Variants in SLC25A26 observed in about 807,000 individuals in gnomAD.
The protein encoded by SLC25A26 is solute carrier family 25 member 26, also known as mitochondrial S-adenosylmethionine carrier protein.
SLC25A26 carries 36 observed loss-of-function variants against 37.8 expected under a neutral mutation model. The observed-to-expected ratio is 0.95, with a 90% CI of 0.73 to 1.26. SLC25A26 has a LOEUF of 1.26. Ranked by LOEUF, SLC25A26 falls within the 50% of genes most tolerant of loss-of-function variation. The pLI, the probability that SLC25A26 is intolerant of heterozygous loss-of-function variation, is 0.00. For missense variants in SLC25A26, 390 were observed against 331.1 expected (o/e 1.18, Z -1.38); for synonymous variants, 129 against 122.5 (o/e 1.05, Z -0.35).
intron 1 of SLC25A26, among the ~76,000 whole-genome samples, chr3:66,236,135 C>T (rs2072267073): frequency 6.7e-6 from 1 of 149,198 alleles, no homozygotes; most frequent in African/African-American, 2.5e-5. Context: ...TGGTATTGAA[C>T]TCCTGGCCTC....
intron 1 of SLC25A26, among the ~76,000 whole-genome samples, chr3:66,153,086 G>T (rs2070229433): frequency 6.6e-6 from 1 of 152,136 alleles, no homozygotes; most frequent in Non-Finnish European, 1.5e-5. Flanking sequence ...CAGAGGAGGG[G>T]ATTTTCTGTT....
At chr3:66,324,917 CAG>C (rs750612789) in intron 5 of SLC25A26, among the ~76,000 whole-genome samples, 12 of 151,912 alleles carry the variant, frequency 7.9e-5, no homozygotes, top group South Asian at 2.1e-4. Flanking sequence ...CGACAAAAGA[CAG>C]AGTAGCAAGA....
intron 1 of SLC25A26, among the ~76,000 whole-genome samples, chr3:66,154,140 T>G (rs1044631027): frequency 6.6e-6 from 1 of 152,130 alleles, no homozygotes; most frequent in African/African-American, 2.4e-5. Context: ...ACCCTGGCTG[T>G]CTGGGCAATT....
In SLC25A26 at chr3:66,147,221, T is replaced by G. The variant is rs113000121; in HGVS notation, c.-354+13237T>G. On this transcript the variant is annotated intron_variant, in intron 1 of 10. Transcript: ENST00000676754. The stretch of plus-strand genomic sequence containing the variant: ...CTCTGTCTCCCAGGCTAGAGTACAG[T>G]GGCATGATGTCAGCTCACTGCAACC... 5.0e-3 allele frequency among the ~76,000 whole-genome samples: 758 copies of G among 150,512 alleles called. 7 individuals carry two copies. Among genetic ancestry groups the G allele is most frequent in the African/African-American group, 0.018 (727 of 40,814 alleles).
intron 1 of SLC25A26, among the ~76,000 whole-genome samples, chr3:66,135,340 G>A (rs915602768): frequency 3.9e-5 from 6 of 152,030 alleles, no homozygotes; most frequent in South Asian, 2.1e-4. Context: ...ATTGTAATAC[G>A]TTACATGCTC....
chr3:66,341,833 A>T (rs542855095), intron 5 of SLC25A26, among the ~76,000 whole-genome samples: 5 of 150,700 alleles, frequency 3.3e-5, no homozygotes, highest in African/African-American at 7.4e-5. Flanking sequence ...TTGTTAAATT[A>T]AAAAAATCAG....
At chr3:66,149,615 CAT>C (rs1264148511) in intron 1 of SLC25A26, among the ~76,000 whole-genome samples, 7 of 152,124 alleles carry the variant, frequency 4.6e-5, no homozygotes, top group African/African-American at 1.4e-4. Flanking sequence ...AAGAAAATAA[CAT>C]ATGATTATTG....
intron 1 of SLC25A26, among the ~76,000 whole-genome samples, chr3:66,135,719 T>C (rs1223218615): frequency 1.3e-5 from 2 of 152,122 alleles, no homozygotes; most frequent in African/African-American, 4.8e-5. Flanking sequence ...CAGTGAGCCC[T>C]GATGGCACCA....
chr3:66,348,112 A>C (rs546823056), intron 6 of SLC25A26, among the ~76,000 whole-genome samples: 2 of 152,336 alleles, frequency 1.3e-5, no homozygotes, highest in African/African-American at 4.8e-5. Context: ...CATCCTGCAC[A>C]CATACCCTGG....
At chr3:66,194,535 A>AT (rs1165237775) in intron 1 of SLC25A26, among the ~76,000 whole-genome samples, 2 of 152,258 alleles carry the variant, frequency 1.3e-5, no homozygotes, top group African/African-American at 4.8e-5. Flanking sequence ...TTAAACTCCC[A>AT]TGGCAGAAAG....
intron 9 of SLC25A26, among the ~76,000 whole-genome samples, chr3:66,370,840 A>C (rs939157786): frequency 6.6e-6 from 1 of 152,244 alleles, no homozygotes; most frequent in Non-Finnish European, 1.5e-5. Context: ...GATGAAATTC[A>C]CATGTGTGGC....
At chr3:66,209,342 C>CATATATATCT (rs1297783445) in intron 1 of SLC25A26, among the ~76,000 whole-genome samples, 1 of 132,620 alleles carries the variant, frequency 7.5e-6, no homozygotes, top group South Asian at 2.5e-4. Context: ...TGTATATATA[C>CATATATATCT]ATATGTATAT....
intron 5 of SLC25A26, among the ~76,000 whole-genome samples, chr3:66,302,440 C>G (rs911860994): frequency 6.6e-6 from 1 of 152,090 alleles, no homozygotes; most frequent in African/African-American, 2.4e-5. Flanking sequence ...AGAAACTGCT[C>G]TCCATGTCAT....
At chr3:66,307,676 A>G (rs2075265316) in intron 5 of SLC25A26, among the ~76,000 whole-genome samples, 1 of 152,140 alleles carries the variant, frequency 6.6e-6, no homozygotes, top group South Asian at 2.1e-4. Flanking sequence ...TAATTTTTGT[A>G]TTAGGTATAA....
At chr3:66,212,003 C>T (rs1036536369) in intron 1 of SLC25A26, among the ~76,000 whole-genome samples, 1 of 152,136 alleles carries the variant, frequency 6.6e-6, no homozygotes, top group East Asian at 1.9e-4. Flanking sequence ...TTTCAGTTAC[C>T]GAGTGAACCG....
intron 1 of SLC25A26, among the ~76,000 whole-genome samples, chr3:66,146,434 A>G (rs1360315577): frequency 6.6e-6 from 1 of 152,142 alleles, no homozygotes; most frequent in African/African-American, 2.4e-5. Flanking sequence ...AGAATATAAT[A>G]TGGAAAGTTA....
intron 1 of SLC25A26, among the ~76,000 whole-genome samples, chr3:66,162,108 C>T (rs1327066261): frequency 6.6e-6 from 1 of 152,064 alleles, no homozygotes; most frequent in African/African-American, 2.4e-5. Flanking sequence ...TCTCCTAAGG[C>T]CTCTTACCTT....
intron 1 of SLC25A26, among the ~76,000 whole-genome samples, chr3:66,136,087 A>G (rs999821375): frequency 3.9e-5 from 6 of 152,256 alleles, no homozygotes; most frequent in African/African-American, 1.4e-4. Context: ...TTTCTTGTTC[A>G]TAATCATGCA....
chr3:66,157,576 T>C (rs1488309236), intron 1 of SLC25A26, among the ~76,000 whole-genome samples: 1 of 152,264 alleles, frequency 6.6e-6, no homozygotes, highest in African/African-American at 2.4e-5. Context: ...TGTGTAGAAG[T>C]GGACTTCAAA....
Sources: allele counts gnomAD v4.1 joint callset (sites outside exome capture counted in the v4.1 genomes callset), GRCh38; gene constraint gnomAD v4.1.1; transcripts MANE v1.5; gene names NCBI Gene and HGNC (gene_info 2026-07-23, HGNC 2026-07-21).